MYOM2: variants seen among roughly 807,000 people sequenced by gnomAD.
MYOM2 encodes the protein myomesin-2.
A neutral mutation model predicts 187.6 loss-of-function variants in MYOM2; 254 were observed. The ratio of observed to expected loss-of-function variants is 1.35; its 90% CI spans 1.22 to 1.50. MYOM2 has a LOEUF of 1.50. Among genes scored for constraint, MYOM2 ranks in the 40% most tolerant of loss-of-function variants. The pLI is 0.00. For synonymous variants in MYOM2, 981 were observed against 753.8 expected (o/e 1.30, Z -4.94); for missense variants, 2,796 against 1,924.0 (o/e 1.45, Z -8.48).
chr8:2,103,384 G>C (rs1390010444), intron 21 of MYOM2, among the ~76,000 whole-genome samples: 1 of 151,762 alleles, frequency 6.6e-6, no homozygotes, highest in African/African-American at 2.4e-5. Flanking sequence ...ATGAGTGGGA[G>C]AGCGTGCATG....
chr8:2,107,993 A>AT (rs1385888079), intron 23 of MYOM2, among the ~76,000 whole-genome samples: 2 of 152,238 alleles, frequency 1.3e-5, no homozygotes, highest in Non-Finnish European at 2.9e-5. Context: ...ATGTATGGAA[A>AT]TTCCTACCAG....
rs200668762 is a variant in MYOM2 at position 2,078,748 on chromosome 8, C to T, written c.1277C>T (p.Thr426Met). ...GYFVDRCEVGTNNWVQCNDAP... is the reference protein window; with the variant it reads ...GYFVDRCEVGMNNWVQCNDAP... The stretch of plus-strand genomic sequence containing the variant: ...TTAACTTGAAGATGTGAAGTAGGAA[C>T]GAATAATTGGGTGCAGTGCAATGAT... The change falls in exon 12 of 37, where the codon ACG becomes ATG. Residue 426 changes from threonine (T) to methionine (M), a missense_variant. Thr to Met is a moderately conservative substitution (Grantham distance 81). Coordinates refer to ENST00000262113, the MANE Select transcript of MYOM2 (RefSeq NM_003970.4). 9.0e-5 allele frequency: 146 copies of T among 1,613,908 alleles called. No individual in the cohort carries two copies. The highest frequency in any genetic ancestry group is 5.3e-4 in the East Asian group (24 of 44,884).
chr8:2,060,425 A>C (rs1255279155), intron 6 of MYOM2, among the ~76,000 whole-genome samples: 1 of 152,188 alleles, frequency 6.6e-6, no homozygotes, highest in Admixed American at 6.5e-5. Context: ...ATGTTTATAT[A>C]TATAACGGGA....
chr8:2,058,294 C>G (rs892572433), intron 5 of MYOM2, among the ~76,000 whole-genome samples: 2 of 152,100 alleles, frequency 1.3e-5, no homozygotes, highest in African/African-American at 4.8e-5. Context: ...CCTGGGGTGA[C>G]AGGCATGAGC....
chr8:2,057,271 T>C, intron 3 of MYOM2, 77 bp from the exon 4 acceptor site: 1 of 1,515,926 alleles, frequency 6.6e-7, no homozygotes, highest in Non-Finnish European at 8.8e-7. Flanking sequence ...AGAATGGGCA[T>C]GCCCTTTCCG....
At chr8:2,062,415 G>T (rs868638673) in intron 6 of MYOM2, among the ~76,000 whole-genome samples, 9 of 152,310 alleles carry the variant, frequency 5.9e-5, no homozygotes, top group Admixed American at 2.6e-4. Flanking sequence ...GGAGTGGGAA[G>T]AAGTGGGTGC....
In MYOM2 at chr8:2,140,767, G is replaced by A; in HGVS notation, c.3845G>A (p.Ser1282Asn). 1.9e-6 allele frequency: 3 copies of A among 1,614,150 alleles called. No individual in the cohort carries two copies. The highest frequency in any genetic ancestry group is 2.5e-6 in the Non-Finnish European group (3 of 1,180,006). ...SSSEHMRIGG[S>N]EEMAWLQICE... is the part of the protein sequence containing the mutation. Reference sequence around the variant, plus strand: ...AGTGAGCATATGAGAATCGGGGGGAGTGAAGAGATGGCTTGGCTGCAGATA... The same window carrying A: ...AGTGAGCATATGAGAATCGGGGGGAATGAAGAGATGGCTTGGCTGCAGATA... The change falls in exon 33 of 37, where the codon AGT becomes AAT. Residue 1282 changes from serine to asparagine, a missense_variant. Coordinates refer to ENST00000262113, the MANE Select transcript of MYOM2 (RefSeq NM_003970.4).
At chr8:2,054,435 C>T (rs890053439) in intron 3 of MYOM2, among the ~76,000 whole-genome samples, 5 of 152,128 alleles carry the variant, frequency 3.3e-5, no homozygotes, top group East Asian at 1.9e-4. Flanking sequence ...CCACCTGTCC[C>T]GGGGCTTGTC....
intron 23 of MYOM2, 29 bp from the exon 24 acceptor site, chr8:2,108,757 T>C: frequency 1.2e-6 from 2 of 1,613,368 alleles, no homozygotes; most frequent in Non-Finnish European, 1.7e-6. Flanking sequence ...CAGGTCCAGA[T>C]GAATTGAAAT....
chr8:2,116,976 G>C (rs1262614365), intron 27 of MYOM2, among the ~76,000 whole-genome samples: 1 of 152,164 alleles, frequency 6.6e-6, no homozygotes, highest in African/African-American at 2.4e-5. Context: ...TGTTAACCAG[G>C]ATGGTCTCGA....
Position 2,069,117 on chromosome 8 carries a change from A to G in MYOM2, c.654-161A>G, listed in dbSNP as rs555103430. Among the ~76,000 whole-genome samples, 6 of 152,328 alleles carry G rather than the reference A, an allele frequency of 3.9e-5. No homozygotes were observed. The South Asian group carries it at 1.2e-3, about 32-fold the overall frequency. ...TATAATTAATACCGAGTGCTGCCTC[A>G]CCTTTCCAAGGACAGAGCTGGCATT... On this transcript the variant is annotated intron_variant, in intron 6 of 36. Transcript: ENST00000262113.
chr8:2,047,519 C>T (rs1447102972), intron 1 of MYOM2, among the ~76,000 whole-genome samples: 1 of 152,158 alleles, frequency 6.6e-6, no homozygotes, highest in African/African-American at 2.4e-5. Flanking sequence ...GCCAGGAGCT[C>T]TAAGGTGTTT....
At chr8:2,076,896 G>C (rs1200842298) in intron 11 of MYOM2, among the ~76,000 whole-genome samples, 1 of 152,214 alleles carries the variant, frequency 6.6e-6, no homozygotes, top group African/African-American at 2.4e-5. Context: ...AGCCTGGGAA[G>C]TGTACTGCAC....
intron 6 of MYOM2, among the ~76,000 whole-genome samples, chr8:2,067,414 C>T (rs563817763): frequency 2.6e-5 from 4 of 152,126 alleles, no homozygotes; most frequent in African/African-American, 7.2e-5. Flanking sequence ...TTTGGAGTCA[C>T]GTGGACCTTG....
At chr8:2,060,997 A>G (rs1049259434) in intron 6 of MYOM2, among the ~76,000 whole-genome samples, 31 of 152,070 alleles carry the variant, frequency 2.0e-4, no homozygotes, top group African/African-American at 7.5e-4. Context: ...CCTCCCCAGC[A>G]GGGTTCTGGC....
intron 21 of MYOM2, among the ~76,000 whole-genome samples, chr8:2,106,024 A>G (rs1254397718): frequency 6.6e-6 from 1 of 152,168 alleles, no homozygotes; most frequent in Non-Finnish European, 1.5e-5. Flanking sequence ...GTGCTTCTAA[A>G]ACCATCAGAT....
rs779074403 is a variant in MYOM2, at chr8:2,050,877, A to G, written c.107+4A>G. 7.5e-6 allele frequency: 12 copies of G among 1,604,436 alleles called. No individual in the cohort carries two copies. In the African/African-American group the frequency reaches 1.3e-4, roughly 18 times the overall value. ...TGGACGAATATGCGTCAAAAAAGTA[A>G]GCTGACATTCGCTGATGAGACGCGC... On this transcript the variant is annotated splice_donor_region_variant and intron_variant, in intron 2 of 36. Coordinates refer to ENST00000262113, the MANE Select transcript of MYOM2 (RefSeq NM_003970.4).
Position 2,051,773 on chromosome 8 carries a change from G to A in MYOM2, c.108-385G>A, listed in dbSNP as rs1483601011. On this transcript the variant is annotated intron_variant, in intron 2 of 36. Transcript: ENST00000262113. ...AGCACCCCAGGGCGGGCATGTGCGG[G>A]GTATGGGTGTGGGCACACAGGGACA... Among the ~76,000 whole-genome samples the A allele has an allele frequency of 2.6e-5, 4 of 152,298 alleles. No homozygotes were observed. The East Asian group carries it at 7.8e-4, about 30-fold the overall frequency.
chr8:2,054,992 C>T (rs1212492911), intron 3 of MYOM2, among the ~76,000 whole-genome samples: 3 of 37,106 alleles, frequency 8.1e-5, no homozygotes, highest in South Asian at 1.5e-3. Context: ...ACTGGGGGGA[C>T]GAAGTACCTG....
Sources: gnomAD v4.1 joint callset for allele counts (sites outside exome capture counted in the v4.1 genomes callset) on GRCh38, gnomAD v4.1.1 for gene constraint, MANE v1.5 for transcripts, NCBI Gene and HGNC (gene_info 2026-07-23, HGNC 2026-07-21) for gene names.